Variants in GALNT17 observed in about 807,000 individuals in gnomAD.
GALNT17 encodes polypeptide N-acetylgalactosaminyltransferase 17, also known as UDP-GalNAc:polypeptide N-acetylgalactosaminyltransferase-like 3.
A neutral mutation model predicts 63.7 loss-of-function variants in GALNT17; 29 were observed. The observed-to-expected ratio is 0.46, with a 90% CI of 0.34 to 0.62. The LOEUF is 0.62. GALNT17 is among the 20% of genes least tolerant of loss of function. The probability of loss-of-function intolerance (pLI) is 0.01; values close to 1 mark genes in which losing one functional copy is unlikely to be tolerated. For synonymous variants in GALNT17, 305 were observed against 318.3 expected (o/e 0.96, Z 0.45); for missense variants, 603 against 799.6 (o/e 0.75, Z 2.97).
At chr7:71,456,346 T>G (rs577204782) in intron 5 of GALNT17, among the ~76,000 whole-genome samples, 1 of 152,294 alleles carries the variant, frequency 6.6e-6, no homozygotes, top group Non-Finnish European at 1.5e-5. Flanking sequence ...TTTTTATAAT[T>G]CGAAAATCAA....
intron 1 of GALNT17, among the ~76,000 whole-genome samples, chr7:71,291,404 C>T (rs1562975057): frequency 6.6e-6 from 1 of 152,168 alleles, no homozygotes; most frequent in East Asian, 1.9e-4. Flanking sequence ...GTTGACCCCA[C>T]GTTTTACTGG....
chr7:71,559,055 G>A lies in GALNT17; in HGVS notation c.963-12230G>A, dbSNP rs1389492540. Among the ~76,000 whole-genome samples the A allele has an allele frequency of 2.0e-5, 3 of 152,210 alleles. No individual in the cohort carries two copies. In the East Asian group the frequency reaches 5.8e-4, roughly 29 times the overall value. On this transcript the variant is annotated intron_variant, in intron 5 of 10. Transcript: ENST00000333538. ...CATGAATTATCTTTTCAGCAACAAA[G>A]GTGAAAGTGCTACTTCCACTTAAAG... is the stretch of plus-strand genomic sequence containing the variant.
intron 1 of GALNT17, among the ~76,000 whole-genome samples, chr7:71,235,252 GA>G (rs751761194): frequency 0.011 from 1,466 of 138,336 alleles, 16 homozygotes; most frequent in African/African-American, 0.028. Context: ...CTCCATCTCG[GA>G]AAAAAAAAAA....
At chr7:71,307,209 G>A (rs1201337038) in intron 1 of GALNT17, among the ~76,000 whole-genome samples, 1 of 152,056 alleles carries the variant, frequency 6.6e-6, no homozygotes, top group Non-Finnish European at 1.5e-5. Flanking sequence ...TTGCAGAACC[G>A]CCATACTGTT....
At chr7:71,523,988 C>T (rs920451579) in intron 5 of GALNT17, among the ~76,000 whole-genome samples, 1 of 149,898 alleles carries the variant, frequency 6.7e-6, no homozygotes, top group South Asian at 2.1e-4. Context: ...TGTGGTGGCA[C>T]AGGCCTGTAA....
chr7:71,229,714 A>G (rs932858630), intron 1 of GALNT17, among the ~76,000 whole-genome samples: 1 of 152,046 alleles, frequency 6.6e-6, no homozygotes, highest in African/African-American at 2.4e-5. Flanking sequence ...AACCCAGCAA[A>G]CGTTAAGTCT....
chr7:71,676,289 C>A (rs1430578467), intron 8 of GALNT17, among the ~76,000 whole-genome samples: 2 of 152,040 alleles, frequency 1.3e-5, no homozygotes, highest in Non-Finnish European at 2.9e-5. Context: ...CAAACACCTA[C>A]AATGGTGCTT....
chr7:71,434,757 CT>C (rs1168658253), intron 5 of GALNT17, among the ~76,000 whole-genome samples: 1 of 152,134 alleles, frequency 6.6e-6, no homozygotes, highest in Admixed American at 6.6e-5. Context: ...CGTAACAAAA[CT>C]TTTGGTCCCT....
intron 6 of GALNT17, among the ~76,000 whole-genome samples, chr7:71,651,549 G>T (rs1790755344): frequency 6.6e-6 from 1 of 152,122 alleles, no homozygotes; most frequent in Admixed American, 6.5e-5. Flanking sequence ...TGATCCACCT[G>T]CCTCGGCCTC....
intron 1 of GALNT17, among the ~76,000 whole-genome samples, chr7:71,332,849 A>G (rs1280855726): frequency 6.6e-6 from 1 of 151,744 alleles, no homozygotes; most frequent in East Asian, 1.9e-4. Flanking sequence ...GCACCACCAC[A>G]CCCAGCTAAT....
At chr7:71,631,037 A>G (rs1562716457) in intron 6 of GALNT17, among the ~76,000 whole-genome samples, 2 of 152,198 alleles carry the variant, frequency 1.3e-5, no homozygotes, top group East Asian at 3.9e-4. Flanking sequence ...AACAGATACA[A>G]TTCCTGCCTG....
chr7:71,393,868 C>T (rs1296158750), intron 3 of GALNT17, among the ~76,000 whole-genome samples: 3 of 152,162 alleles, frequency 2.0e-5, no homozygotes, highest in Admixed American at 6.5e-5. Flanking sequence ...AATCACTGCT[C>T]ACCAAGTCCA....
At chr7:71,465,320 A>G (rs1787517354) in intron 5 of GALNT17, among the ~76,000 whole-genome samples, 1 of 152,322 alleles carries the variant, frequency 6.6e-6, no homozygotes, top group Non-Finnish European at 1.5e-5. Context: ...AGCTCAGCCT[A>G]CGTGCAGAGA....
chr7:71,475,436 G>A (rs1787707012), intron 5 of GALNT17, among the ~76,000 whole-genome samples: 1 of 152,190 alleles, frequency 6.6e-6, no homozygotes, highest in Admixed American at 6.5e-5. Flanking sequence ...CTCATAAGGA[G>A]CGTGCAACCT....
intron 5 of GALNT17, among the ~76,000 whole-genome samples, chr7:71,496,234 C>T (rs751229416): frequency 6.6e-6 from 1 of 151,936 alleles, no homozygotes; most frequent in African/African-American, 2.4e-5. Context: ...GTGGGGAGGC[C>T]GGGGGATCAA....
chr7:71,180,094 T>C (rs1270476398), intron 1 of GALNT17, among the ~76,000 whole-genome samples: 1 of 152,186 alleles, frequency 6.6e-6, no homozygotes, highest in Non-Finnish European at 1.5e-5. Context: ...CCTTGAAGCC[T>C]TTGCTATAAT....
intron 1 of GALNT17, among the ~76,000 whole-genome samples, chr7:71,175,018 C>T (rs1788609994): frequency 6.6e-6 from 1 of 152,150 alleles, no homozygotes; most frequent in Non-Finnish European, 1.5e-5. Context: ...GAGCTCAACC[C>T]CTAGATTCTA....
chr7:71,145,509 A>G (rs1238703742), intron 1 of GALNT17, among the ~76,000 whole-genome samples: 3 of 152,078 alleles, frequency 2.0e-5, no homozygotes, highest in African/African-American at 4.8e-5. Flanking sequence ...AAAATTTATA[A>G]TCATCACAAT....
intron 1 of GALNT17, among the ~76,000 whole-genome samples, chr7:71,161,084 C>T (rs1457441131): frequency 2.0e-5 from 3 of 152,092 alleles, no homozygotes; most frequent in African/African-American, 7.2e-5. Flanking sequence ...CAAGTGCTCC[C>T]CAAGCATTGG....
Sources: gnomAD v4.1 joint callset for allele counts (sites outside exome capture counted in the v4.1 genomes callset) on GRCh38, gnomAD v4.1.1 for gene constraint, MANE v1.5 for transcripts, NCBI Gene and HGNC (gene_info 2026-07-23, HGNC 2026-07-21) for gene names.